The following ARHGAP26 variants were observed in gnomAD, a reference collection of about 807,000 sequenced individuals.
ARHGAP26 encodes the protein Rho GTPase activating protein 26.
A neutral mutation model predicts 104.8 loss-of-function variants in ARHGAP26; 38 were observed. The observed-to-expected ratio is 0.36, with a 90% CI of 0.28 to 0.48. ARHGAP26 has a LOEUF of 0.48. Among genes scored for constraint, ARHGAP26 ranks in the 20% least tolerant of loss-of-function variants. The pLI, the probability that ARHGAP26 is intolerant of heterozygous loss-of-function variation, is 0.99. For missense variants in ARHGAP26, 704 were observed against 947.9 expected, an observed-to-expected ratio of 0.74 and a Z score of 3.38; for synonymous variants, 341 against 340.0, an observed-to-expected ratio of 1.00 and a Z score of -0.03.
intron 17 of ARHGAP26, among the ~76,000 whole-genome samples, chr5:143,077,912 C>G (rs968521241): frequency 6.6e-6 from 1 of 152,172 alleles, no homozygotes; most frequent in Non-Finnish European, 1.5e-5. Context: ...CTCCCCTCCC[C>G]CAACCCTGGT....
chr5:143,016,920 T>C (rs1442311356), intron 12 of ARHGAP26, among the ~76,000 whole-genome samples: 1 of 152,182 alleles, frequency 6.6e-6, no homozygotes, highest in Non-Finnish European at 1.5e-5. Context: ...TTGATTGCAG[T>C]AATTTACAAT....
chr5:142,974,190 T>C (rs1399533107), intron 11 of ARHGAP26, among the ~76,000 whole-genome samples: 1 of 152,030 alleles, frequency 6.6e-6, no homozygotes, highest in Non-Finnish European at 1.5e-5. Context: ...TTATCCCTTT[T>C]ATGTTTGTAT....
intron 20 of ARHGAP26, among the ~76,000 whole-genome samples, chr5:143,183,270 C>G (rs1225831933): frequency 6.6e-6 from 1 of 152,042 alleles, no homozygotes; most frequent in Non-Finnish European, 1.5e-5. Flanking sequence ...GGAAGGTTTT[C>G]TGTGATTCCT....
At chr5:142,984,780 G>A (rs1774427553) in intron 11 of ARHGAP26, among the ~76,000 whole-genome samples, 1 of 152,104 alleles carries the variant, frequency 6.6e-6, no homozygotes, top group Non-Finnish European at 1.5e-5. Flanking sequence ...GGTGATGCTG[G>A]TGTAAACAAA....
intron 18 of ARHGAP26, among the ~76,000 whole-genome samples, chr5:143,123,321 A>G (rs1796351988): frequency 6.6e-6 from 1 of 152,142 alleles, no homozygotes; most frequent in South Asian, 2.1e-4. Context: ...CTCCTTTTTC[A>G]CTGTAGCTTC....
At chr5:143,051,180 CTT>C (rs763303022) in intron 14 of ARHGAP26, among the ~76,000 whole-genome samples, 5 of 152,270 alleles carry the variant, frequency 3.3e-5, no homozygotes, top group Admixed American at 1.3e-4. Context: ...ACATAGGTAA[CTT>C]TCCTAATAAT....
intron 20 of ARHGAP26, among the ~76,000 whole-genome samples, chr5:143,149,112 C>T (rs1027261660): frequency 1.3e-5 from 2 of 152,040 alleles, no homozygotes; most frequent in African/African-American, 4.8e-5. Context: ...GATTTATTTT[C>T]ATAACATCCT....
chr5:142,869,091 T>C (rs375322198), intron 1 of ARHGAP26, among the ~76,000 whole-genome samples: 1 of 152,304 alleles, frequency 6.6e-6, no homozygotes, highest in South Asian at 2.1e-4. Context: ...CCGGGGACTT[T>C]GGTATTCTTG....
At chr5:142,928,844 C>T (rs1764297751) in intron 10 of ARHGAP26, among the ~76,000 whole-genome samples, 1 of 152,126 alleles carries the variant, frequency 6.6e-6, no homozygotes, top group African/African-American at 2.4e-5. Flanking sequence ...GTCTAATAGG[C>T]TCACAATTCT....
intron 12 of ARHGAP26, among the ~76,000 whole-genome samples, chr5:143,032,629 A>G (rs537169436): frequency 6.6e-6 from 1 of 152,304 alleles, no homozygotes; most frequent in African/African-American, 2.4e-5. Flanking sequence ...TTTGCTTTTC[A>G]GACTAGGAGA....
Position 142,885,286 on chromosome 5 carries a change from T to C in ARHGAP26, c.385-12T>C, listed in dbSNP as rs1280662381. The C allele has an allele frequency of 6.2e-7, 1 of 1,608,426 alleles. No homozygotes were observed. Among genetic ancestry groups the C allele is most frequent in the Non-Finnish European group, 8.5e-7 (1 of 1,175,796 alleles). On this transcript the variant is annotated splice_polypyrimidine_tract_variant and intron_variant, in intron 4 of 22. Coordinates refer to ENST00000645722, the MANE Select transcript of ARHGAP26 (RefSeq NM_001135608.3). ...TTACTCTTTTTCTTTTTCTCTTCTC[T>C]TTTTTTGCCAGGAAGCCAAAAAGAA...
intron 1 of ARHGAP26, among the ~76,000 whole-genome samples, chr5:142,775,232 G>A (rs572720979): frequency 6.6e-6 from 1 of 152,240 alleles, no homozygotes; most frequent in South Asian, 2.1e-4. Context: ...CAATGAATGA[G>A]AGTTCCTGTT....
chr5:143,093,188 G>A (rs1462239043), intron 17 of ARHGAP26, among the ~76,000 whole-genome samples: 1 of 151,412 alleles, frequency 6.6e-6, no homozygotes, highest in African/African-American at 2.4e-5. Context: ...GATCTGATGA[G>A]GTGTGCTCAC....
intron 1 of ARHGAP26, among the ~76,000 whole-genome samples, chr5:142,778,256 T>C (rs1409728287): frequency 6.6e-6 from 1 of 152,176 alleles, no homozygotes; most frequent in African/African-American, 2.4e-5. Flanking sequence ...GGGGTAAAAT[T>C]AACAATATGA....
At chr5:143,184,261 T>C (rs903030248) in intron 20 of ARHGAP26, among the ~76,000 whole-genome samples, 1 of 152,220 alleles carries the variant, frequency 6.6e-6, no homozygotes, top group Non-Finnish European at 1.5e-5. Flanking sequence ...AATGCCTCTT[T>C]TGGACTAGCT....
At chr5:142,951,928 A>G (rs1403622029) in intron 11 of ARHGAP26, among the ~76,000 whole-genome samples, 2 of 152,224 alleles carry the variant, frequency 1.3e-5, no homozygotes, top group African/African-American at 2.4e-5. Context: ...GTCCTGAACC[A>G]AGGTGTTGGC....
intron 13 of ARHGAP26, 128 bp from the exon 14 acceptor site, chr5:143,041,688 T>C (rs1783482147): frequency 1.5e-6 from 1 of 686,418 alleles, no homozygotes; most frequent in Non-Finnish European, 2.5e-6. Context: ...CAGGGGACTT[T>C]AATTAGAGCA....
chr5:142,800,665 A>G (rs1434229741), intron 1 of ARHGAP26, among the ~76,000 whole-genome samples: 5 of 152,122 alleles, frequency 3.3e-5, no homozygotes, highest in Non-Finnish European at 7.3e-5. Context: ...CTCAGCCTCA[A>G]GGTCTTTTAT....
intron 1 of ARHGAP26, among the ~76,000 whole-genome samples, chr5:142,872,581 A>G (rs1039563675): frequency 1.3e-5 from 2 of 152,184 alleles, no homozygotes; most frequent in African/African-American, 4.8e-5. Context: ...CCCTTAAGAG[A>G]TGTTGAAGAC....
Sources: allele counts gnomAD v4.1 joint callset (sites outside exome capture counted in the v4.1 genomes callset), GRCh38; gene constraint gnomAD v4.1.1; transcripts MANE v1.5; gene names NCBI Gene and HGNC (gene_info 2026-07-23, HGNC 2026-07-21).